SEMA5A: variants seen among roughly 807,000 people sequenced by gnomAD.
SEMA5A encodes semaphorin 5A, also known as semaphorin-5A.
A neutral mutation model predicts 135.5 loss-of-function variants in SEMA5A; 55 were observed. The observed-to-expected ratio is 0.41, with a 90% confidence interval of 0.33 to 0.51. The LOEUF is 0.51. Among genes scored for constraint, SEMA5A ranks in the 20% least tolerant of loss-of-function variants. SEMA5A has a pLI of 0.37. For missense variants in SEMA5A, 1,290 were observed against 1,419.9 expected, an observed-to-expected ratio of 0.91 and a Z score of 1.47; for synonymous variants, 580 against 546.5, an observed-to-expected ratio of 1.06 and a Z score of -0.85.
At position 9,365,943 on chromosome 5, in the gene SEMA5A, T is replaced by C. The variant is rs181814744; in HGVS notation, c.124+13880A>G. ...AGCACTTGGGTCCTTGCTGCCACTG[T>C]TGAGCTCTGAACCAGCCCTGCACTG... is the stretch of plus-strand genomic sequence containing the variant. On this transcript the variant is annotated intron_variant, in intron 3 of 22. Coordinates refer to ENST00000382496, the MANE Select transcript of SEMA5A (RefSeq NM_003966.3). 1.3e-4 allele frequency among the ~76,000 whole-genome samples: 20 copies of C among 152,298 alleles called. No homozygotes were observed. The East Asian group carries it at 3.3e-3, about 25-fold the overall frequency.
intron 3 of SEMA5A, among the ~76,000 whole-genome samples, chr5:9,356,433 G>A (rs1754450544): frequency 6.6e-6 from 1 of 152,140 alleles, no homozygotes; most frequent in African/African-American, 2.4e-5. Context: ...AGAAAAGGAT[G>A]AAGGAGGTGG....
At chr5:9,235,901 G>A (rs983051052) in intron 6 of SEMA5A, among the ~76,000 whole-genome samples, 62 of 152,166 alleles carry the variant, frequency 4.1e-4, no homozygotes, top group African/African-American at 1.4e-3. Context: ...TTAAAGGAAA[G>A]AGGCTTAATG....
intron 8 of SEMA5A, among the ~76,000 whole-genome samples, chr5:9,217,244 A>T (rs531994135): frequency 6.6e-6 from 1 of 152,318 alleles, no homozygotes; most frequent in South Asian, 2.1e-4. Context: ...TAGGAAGCTA[A>T]GTTTAGCCGG....
chr5:9,338,089 G>A (rs1042536247), intron 3 of SEMA5A, among the ~76,000 whole-genome samples: 2 of 152,146 alleles, frequency 1.3e-5, no homozygotes, highest in Admixed American at 6.5e-5. Context: ...TTTCCTTTTG[G>A]CTTTGGGCTG....
chr5:9,410,685 A>G (rs186455426), intron 2 of SEMA5A, among the ~76,000 whole-genome samples: 33 of 152,248 alleles, frequency 2.2e-4, no homozygotes, highest in African/African-American at 7.7e-4. Flanking sequence ...CAGAGAGGCG[A>G]GCATCACACA....
chr5:9,400,501 A>ATTTTTTTTTTTTTT lies in SEMA5A; in HGVS notation c.-77-20492_-77-20479dup, dbSNP rs1215358817. Among the ~76,000 whole-genome samples the ATTTTTTTTTTTTTT allele has an allele frequency of 5.7e-4, 50 of 87,020 alleles. 2 individuals carry two copies. The highest frequency in any genetic ancestry group is 2.5e-3 in the African/African-American group (50 of 19,664). 57.1% of individuals were successfully genotyped at this position (87,020 alleles called of 152,430 possible). A position where few individuals can be genotyped will look rare whatever the true frequency, so the allele number is the denominator to read the frequency against. On this transcript the variant is annotated intron_variant, in intron 2 of 22. Coordinates refer to ENST00000382496, the MANE Select transcript of SEMA5A (RefSeq NM_003966.3). ...CTTCAATAGTTTGAACACAATGTAC[A>ATTTTTTTTTTTTTT]TTTTTTTTTTTTTTTTTTTTTTTGA...
At chr5:9,494,418 G>A (rs947343845) in intron 1 of SEMA5A, among the ~76,000 whole-genome samples, 10 of 152,108 alleles carry the variant, frequency 6.6e-5, no homozygotes, top group Non-Finnish European at 1.5e-4. Flanking sequence ...TTCCACAAAT[G>A]AGACCTTAAT....
At chr5:9,165,983 T>C (rs1257746876) in intron 11 of SEMA5A, among the ~76,000 whole-genome samples, 1 of 152,158 alleles carries the variant, frequency 6.6e-6, no homozygotes. Context: ...AAAAAAGGTC[T>C]TCTTGGCTAG....
intron 5 of SEMA5A, among the ~76,000 whole-genome samples, chr5:9,296,880 A>G (rs1751358339): frequency 6.9e-6 from 1 of 145,858 alleles, no homozygotes; most frequent in Non-Finnish European, 1.5e-5. Context: ...CAGGTGAGAC[A>G]TTATGCTCCA....
At chr5:9,440,216 C>G (rs1242423337) in intron 1 of SEMA5A, among the ~76,000 whole-genome samples, 4 of 152,214 alleles carry the variant, frequency 2.6e-5, no homozygotes, top group Admixed American at 1.3e-4. Flanking sequence ...CGTGTCCTCT[C>G]CCAGCAAGGT....
At chr5:9,369,333 G>C (rs1317937575) in intron 3 of SEMA5A, among the ~76,000 whole-genome samples, 2 of 152,114 alleles carry the variant, frequency 1.3e-5, no homozygotes, top group East Asian at 3.8e-4. Flanking sequence ...TCTTCGAAGA[G>C]AAAATGCTTT....
At chr5:9,366,612 T>C (rs1033665596) in intron 3 of SEMA5A, among the ~76,000 whole-genome samples, 2 of 152,158 alleles carry the variant, frequency 1.3e-5, no homozygotes, top group Non-Finnish European at 2.9e-5. Context: ...ACGGTCTCCA[T>C]CTCCTGACCT....
rs142562214 is a variant in SEMA5A at position 9,508,601 on chromosome 5, T to C, written c.-175+36983A>G. Among the ~76,000 whole-genome samples, 5 of 152,308 alleles carry C rather than the reference T, an allele frequency of 3.3e-5. No homozygotes were observed. In the East Asian group the frequency reaches 9.7e-4, roughly 30 times the overall value. ...AACATGCAGCTCCCTCTGCCTGGAA[T>C]AGCCTTCCCCTCTGTCTACCTAGGC... On this transcript the variant is annotated intron_variant, in intron 1 of 22. Transcript: ENST00000382496.
chr5:9,127,218 C>T (rs73740340), intron 13 of SEMA5A, among the ~76,000 whole-genome samples: 11,727 of 152,254 alleles, frequency 0.077, 482 homozygotes, highest in South Asian at 0.15. Context: ...TCTAATTCTG[C>T]AAAGGCTGTT....
rs937422748 is a variant in SEMA5A at position 9,050,405 on chromosome 5, C to A, written c.2893+5G>T. The A allele has an allele frequency of 1.2e-6, 2 of 1,609,926 alleles. No individual in the cohort carries two copies. The highest frequency in any genetic ancestry group is 2.2e-5 in the East Asian group (1 of 44,838). On this transcript the variant is annotated splice_donor_5th_base_variant and intron_variant, in intron 21 of 22. Transcript: ENST00000382496. ...CATTACAACTACTTAAAAGGAATAA[C>A]GTACCTCCACACCTTTTCTCTTCTA...
At chr5:9,407,868 CATCACCATCACCATCATCACCATCTCT>C (rs1561228447) in intron 2 of SEMA5A, among the ~76,000 whole-genome samples, 2 of 152,048 alleles carry the variant, frequency 1.3e-5, no homozygotes, top group African/African-American at 4.8e-5. Context: ...GCCTTACCAC[CATCACCATCACCATCATCACCATCTCT>C]ACCACCATCA....
chr5:9,236,814 C>G (rs1805956), intron 6 of SEMA5A, among the ~76,000 whole-genome samples: 23,848 of 152,056 alleles, frequency 0.16, 2,361 homozygotes, highest in Non-Finnish European at 0.22. Flanking sequence ...CTCCTTTATT[C>G]AGGGTTGGGA....
chr5:9,279,120 G>T (rs1194557982), intron 5 of SEMA5A, among the ~76,000 whole-genome samples: 1 of 152,236 alleles, frequency 6.6e-6, no homozygotes, highest in African/African-American at 2.4e-5. Flanking sequence ...CAGCCAAGGG[G>T]CGTGTACCCT....
chr5:9,329,867 T>C (rs1014897234), intron 4 of SEMA5A, among the ~76,000 whole-genome samples: 10 of 152,220 alleles, frequency 6.6e-5, no homozygotes, highest in African/African-American at 2.4e-4. Context: ...CTATAACCTA[T>C]GCACATCTTC....
Sources: allele counts gnomAD v4.1 joint callset (sites outside exome capture counted in the v4.1 genomes callset), GRCh38; gene constraint gnomAD v4.1.1; transcripts MANE v1.5; gene names NCBI Gene and HGNC (gene_info 2026-07-23, HGNC 2026-07-21).